The following PPP4R3B variants were observed in gnomAD, a reference collection of about 807,000 sequenced individuals.
PPP4R3B encodes the protein serine/threonine-protein phosphatase 4 regulatory subunit 3B.
Under a neutral mutation model 95.4 loss-of-function variants are expected in PPP4R3B, and 52 were observed. The observed-to-expected ratio is 0.54, with a 90% confidence interval of 0.44 to 0.69. The LOEUF is 0.69. Among genes scored for constraint, PPP4R3B ranks in the 30% least tolerant of loss-of-function variants. The pLI is 0.00. For missense variants in PPP4R3B, 1,003 were observed against 1,005.9 expected, an observed-to-expected ratio of 1.00 and a Z score of 0.04; for synonymous variants, 407 against 343.9, an observed-to-expected ratio of 1.18 and a Z score of -2.03.
intron 2 of PPP4R3B, among the ~76,000 whole-genome samples, chr2:55,613,806 T>C (rs899252560): frequency 8.3e-5 from 9 of 108,844 alleles, no homozygotes; most frequent in African/African-American, 3.4e-4. Flanking sequence ...AAGGGAAATA[T>C]GGTAAAAAAA....
chr2:55,571,010 T>C lies in PPP4R3B; in HGVS notation c.1765+2609A>G, dbSNP rs554696065. On this transcript the variant is annotated intron_variant, in intron 12 of 16. Coordinates refer to ENST00000616407, the MANE Select transcript of PPP4R3B (RefSeq NM_001122964.3). ...TAGAAATCTTGAAACAATATAAACA[T>C]TTAAATATTGGAAATTGTGGCTGGG... 2.6e-5 allele frequency among the ~76,000 whole-genome samples: 4 copies of C among 152,098 alleles called. No homozygotes were observed. The South Asian group carries it at 8.3e-4, about 32-fold the overall frequency.
intron 3 of PPP4R3B, among the ~76,000 whole-genome samples, chr2:55,600,029 T>C (rs1305932043): frequency 2.0e-5 from 3 of 152,346 alleles, no homozygotes; most frequent in Non-Finnish European, 4.4e-5. Context: ...GTTTTTATAA[T>C]TTATTTCTCT....
rs1684887331 is a variant in PPP4R3B at position 55,547,988 on chromosome 2, A to T, written c.*1923T>A. On this transcript the variant is annotated 3_prime_UTR_variant, in exon 17 of 17. Coordinates refer to ENST00000616407, the MANE Select transcript of PPP4R3B (RefSeq NM_001122964.3). ...TTAAGAAGAAATTTACTAAAAGCTG[A>T]GAGATGGGTCTCGATAAAATTTGAT... 6.6e-6 allele frequency: 1 copy of T among 152,262 alleles called. No homozygotes were observed. The highest frequency in any genetic ancestry group is 2.4e-5 in the African/African-American group (1 of 41,476). The allele number at this position is 152,262 out of a possible 1,614,324, so 9.4% of individuals were successfully genotyped here. A position where few individuals can be genotyped will look rare whatever the true frequency, so the allele number is the denominator to read the frequency against.
intron 16 of PPP4R3B, among the ~76,000 whole-genome samples, chr2:55,553,817 A>G (rs935802007): frequency 5.3e-5 from 8 of 152,218 alleles, no homozygotes; most frequent in African/African-American, 1.7e-4. Flanking sequence ...TATCCACTGT[A>G]TGAATATGCT....
chr2:55,588,770 C>T, intron 5 of PPP4R3B, 109 bp downstream of exon 5: 1 of 606,458 alleles, frequency 1.6e-6, no homozygotes, highest in Non-Finnish European at 2.9e-6. Flanking sequence ...CTTTTCATCT[C>T]TTACTAATCT....
intron 6 of PPP4R3B, among the ~76,000 whole-genome samples, 196 bp from the exon 7 acceptor site, chr2:55,585,363 A>G (rs973898387): frequency 6.6e-6 from 1 of 152,168 alleles, no homozygotes; most frequent in Non-Finnish European, 1.5e-5. Flanking sequence ...CAATTCAATG[A>G]TTAGTTTCTG....
intron 12 of PPP4R3B, among the ~76,000 whole-genome samples, chr2:55,571,990 A>C (rs1688065893): frequency 6.6e-6 from 1 of 152,222 alleles, no homozygotes; most frequent in African/African-American, 2.4e-5. Context: ...TATATATGTT[A>C]ACTTATTTAA....
At chr2:55,611,013 G>C (rs1025148814) in intron 2 of PPP4R3B, among the ~76,000 whole-genome samples, 5 of 151,930 alleles carry the variant, frequency 3.3e-5, no homozygotes, top group Non-Finnish European at 7.4e-5. Flanking sequence ...CTACAGGTGT[G>C]TGTCACCATG....
At chr2:55,577,549 G>A (rs1362186275) in intron 10 of PPP4R3B, among the ~76,000 whole-genome samples, 193 bp from the exon 11 acceptor site, 2 of 151,968 alleles carry the variant, frequency 1.3e-5, no homozygotes, top group Non-Finnish European at 2.9e-5. Flanking sequence ...ATGCAGATGT[G>A]GAATTATTAA....
chr2:55,581,710 A>T lies in PPP4R3B; in HGVS notation c.1234-12T>A. The T allele has an allele frequency of 6.3e-7, 1 of 1,580,984 alleles. No individual in the cohort carries two copies. The highest frequency in any genetic ancestry group is 8.6e-7 in the Non-Finnish European group (1 of 1,163,460). On this transcript the variant is annotated splice_polypyrimidine_tract_variant and intron_variant, in intron 7 of 16. Transcript: ENST00000616407. ...ATAAGAAGAATATCCTGGTGGCAAAACAAAACAAAACAAAACATGTTTCCA... is the reference window on the plus strand; with the variant it reads ...ATAAGAAGAATATCCTGGTGGCAAATCAAAACAAAACAAAACATGTTTCCA...
chr2:55,549,863 A>G lies in PPP4R3B; in HGVS notation c.*48T>C. The stretch of plus-strand genomic sequence containing the variant: ...GATTCAGATTTTCAGCTCACTGAAC[A>G]GTTGCAGCATTGTAAGACCACATGT... On this transcript the variant is annotated 3_prime_UTR_variant, in exon 17 of 17. Coordinates refer to ENST00000616407, the MANE Select transcript of PPP4R3B (RefSeq NM_001122964.3). 1 of 1,346,988 alleles carries G rather than the reference A, an allele frequency of 7.4e-7. No homozygotes were observed. Among genetic ancestry groups the G allele is most frequent in the East Asian group, 2.3e-5 (1 of 43,606 alleles). The allele number at this position is 1,346,988 out of a possible 1,614,324, so 83.4% of individuals were successfully genotyped here. A position where few individuals can be genotyped will look rare whatever the true frequency, so the allele number is the denominator to read the frequency against.
chr2:55,583,250 G>T (rs1476788237), intron 7 of PPP4R3B, among the ~76,000 whole-genome samples: 2 of 151,740 alleles, frequency 1.3e-5, no homozygotes, highest in African/African-American at 4.8e-5. Context: ...ATTTTTTTTG[G>T]TAATTAATTT....
intron 13 of PPP4R3B, among the ~76,000 whole-genome samples, chr2:55,565,310 G>GTA (rs151277909): frequency 0.15 from 21,534 of 144,800 alleles, 1,607 homozygotes; most frequent in East Asian, 0.26. Flanking sequence ...TCTATTTTTT[G>GTA]TATATATATA....
At chr2:55,587,052 T>C (rs915657911) in intron 5 of PPP4R3B, among the ~76,000 whole-genome samples, 3 of 152,218 alleles carry the variant, frequency 2.0e-5, no homozygotes, top group Admixed American at 2.0e-4. Flanking sequence ...ACAACACATC[T>C]TTCTAAGTGA....
chr2:55,579,815 C>G, intron 8 of PPP4R3B, 34 bp from the exon 9 acceptor site: 1 of 1,362,468 alleles, frequency 7.3e-7, no homozygotes, highest in Non-Finnish European at 1.0e-6. Flanking sequence ...AATACTGTTA[C>G]TTATGTAAAT....
chr2:55,615,051 TTTAC>T (rs749895410), intron 2 of PPP4R3B: 1 of 158,180 alleles, frequency 6.3e-6, no homozygotes, highest in African/African-American at 2.4e-5. Context: ...AACCTCTACC[TTTAC>T]TTGAGTCAAA....
At chr2:55,583,580 C>A (rs900412848) in intron 7 of PPP4R3B, among the ~76,000 whole-genome samples, 1 of 152,160 alleles carries the variant, frequency 6.6e-6, no homozygotes, top group Admixed American at 6.5e-5. Context: ...TAATCACACA[C>A]ATCACTGAAG....
intron 14 of PPP4R3B, 114 bp downstream of exon 14, chr2:55,564,788 G>T: frequency 1.6e-6 from 2 of 1,261,928 alleles, no homozygotes; most frequent in Non-Finnish European, 2.2e-6. Context: ...TCAACTCTAT[G>T]CTATCCAGTG....
At chr2:55,582,644 C>T (rs1220760886) in intron 7 of PPP4R3B, among the ~76,000 whole-genome samples, 1 of 152,186 alleles carries the variant, frequency 6.6e-6, no homozygotes, top group African/African-American at 2.4e-5. Context: ...TAAAAATCTT[C>T]TACTGACACT....
Sources: gnomAD v4.1 joint callset for allele counts (sites outside exome capture counted in the v4.1 genomes callset) on GRCh38, gnomAD v4.1.1 for gene constraint, MANE v1.5 for transcripts, NCBI Gene and HGNC (gene_info 2026-07-23, HGNC 2026-07-21) for gene names.